The following THSD4 variants were observed in gnomAD, a reference collection of about 807,000 sequenced individuals.
THSD4 encodes the protein thrombospondin type 1 domain containing 4.
A neutral mutation model predicts 119.0 loss-of-function variants in THSD4; 69 were observed. That is an observed-to-expected ratio of 0.58 (90% confidence interval 0.48 to 0.71). THSD4 has a LOEUF of 0.71. THSD4 is among the 30% of genes least tolerant of loss of function. THSD4 has a pLI of 0.00. For synonymous variants in THSD4, 524 were observed against 540.4 expected (o/e 0.97, Z 0.42); for missense variants, 1,393 against 1,391.1 (o/e 1.00, Z -0.02).
chr15:71,688,010 G>A (rs2051954831), intron 8 of THSD4, among the ~76,000 whole-genome samples: 1 of 152,126 alleles, frequency 6.6e-6, no homozygotes, highest in South Asian at 2.1e-4. Context: ...TCCTGTAAAT[G>A]TTTGTTTTGT....
chr15:71,673,288 A>G (rs1438485638), intron 8 of THSD4, among the ~76,000 whole-genome samples: 1 of 152,188 alleles, frequency 6.6e-6, no homozygotes, highest in Non-Finnish European at 1.5e-5. Context: ...AGGTGTTTAT[A>G]GTATTCTCTG....
At chr15:71,697,581 G>T (rs1001827508) in intron 8 of THSD4, among the ~76,000 whole-genome samples, 2 of 152,210 alleles carry the variant, frequency 1.3e-5, no homozygotes, top group Non-Finnish European at 2.9e-5. Context: ...GGATCCAGAC[G>T]ACAGAAGAGG....
At chr15:71,139,642 A>G (rs536043402) in intron 1 of THSD4, among the ~76,000 whole-genome samples, 1 of 152,342 alleles carries the variant, frequency 6.6e-6, no homozygotes, top group African/African-American at 2.4e-5. Context: ...TAACCCGCAG[A>G]AAGGGCCTGT....
chr15:71,387,311 G>A (rs2046306963), intron 6 of THSD4, among the ~76,000 whole-genome samples: 1 of 152,100 alleles, frequency 6.6e-6, no homozygotes, highest in African/African-American at 2.4e-5. Flanking sequence ...ATCTGCTCAG[G>A]ATGCTGTGAT....
In THSD4 at chr15:71,215,209, C is replaced by G; in HGVS notation, c.274C>G (p.Arg92Gly). 7.3e-7 allele frequency: 1 copy of G among 1,361,544 alleles called. No homozygotes were observed. The highest frequency in any genetic ancestry group is 1.5e-5 in the African/African-American group (1 of 65,344). 84.3% of individuals were successfully genotyped at this position (1,361,544 alleles called of 1,614,324 possible). A position where few individuals can be genotyped will look rare whatever the true frequency, so the allele number is the denominator to read the frequency against. ...PRSYRLRGGQ[R>G]PGAPARAFAD... is the part of the protein sequence containing the mutation. ...CTCCTACCGCCTGCGCGGCGGCCAG[C>G]GGCCTGGCGCCCCTGCGCGCGCCTT... The change falls in exon 4 of 18, where the codon CGG becomes GGG. Residue 92 changes from arginine (R) to glycine (G), a missense_variant. Arg to Gly is a moderately radical substitution (Grantham distance 125). Transcript: ENST00000261862.
At chr15:71,214,174 A>G (rs1775577078) in intron 3 of THSD4, among the ~76,000 whole-genome samples, 2 of 145,920 alleles carry the variant, frequency 1.4e-5, no homozygotes, top group Admixed American at 6.7e-5. Context: ...TGGACCGATC[A>G]GCACTCTGTA....
intron 7 of THSD4, among the ~76,000 whole-genome samples, chr15:71,568,305 G>C (rs899843345): frequency 6.6e-6 from 1 of 152,004 alleles, no homozygotes; most frequent in African/African-American, 2.4e-5. Context: ...CTTCAAAGTG[G>C]CCACAGAGAC....
intron 7 of THSD4, among the ~76,000 whole-genome samples, chr15:71,537,532 A>G (rs1169860055): frequency 6.6e-6 from 1 of 152,054 alleles, no homozygotes; most frequent in Non-Finnish European, 1.5e-5. Flanking sequence ...CAATCTCCCT[A>G]TATTACCATA....
chr15:71,399,742 C>G (rs1038760200), intron 6 of THSD4, among the ~76,000 whole-genome samples: 3 of 152,104 alleles, frequency 2.0e-5, no homozygotes, highest in African/African-American at 7.2e-5. Flanking sequence ...AGAAATGAAC[C>G]TTCTTGGGCT....
At chr15:71,373,451 C>G (rs2046086883) in intron 6 of THSD4, among the ~76,000 whole-genome samples, 1 of 152,142 alleles carries the variant, frequency 6.6e-6, no homozygotes, top group African/African-American at 2.4e-5. Context: ...GGGTCTAATA[C>G]ACAGGATATC....
At chr15:71,736,561 CTCTT>C (rs1323048801) in intron 10 of THSD4, among the ~76,000 whole-genome samples, 5 of 151,204 alleles carry the variant, frequency 3.3e-5, no homozygotes, top group South Asian at 4.2e-4. Context: ...CTCGCTGTCT[CTCTT>C]TCTTACTCTG....
rs1030680325 is a variant in THSD4, at chr15:71,302,931, T to C, written c.1015+46216T>C. Among the ~76,000 whole-genome samples the C allele has an allele frequency of 3.9e-5, 6 of 152,190 alleles. No individual in the cohort carries two copies. In the South Asian group the frequency reaches 1.0e-3, roughly 26 times the overall value. On this transcript the variant is annotated intron_variant, in intron 6 of 17. Transcript: ENST00000261862. ...GAGGGTCTTGCAGTCATCTACATAC[T>C]TCCCTGCGAGTTCTTGGTTTGGTCC... is the stretch of plus-strand genomic sequence containing the variant.
At chr15:71,423,265 T>A (rs550105410) in intron 7 of THSD4, among the ~76,000 whole-genome samples, 1 of 152,318 alleles carries the variant, frequency 6.6e-6, no homozygotes, top group South Asian at 2.1e-4. Context: ...AAGGAGTTTC[T>A]GTCCATAGCC....
At position 71,777,134 on chromosome 15, in the gene THSD4, G is replaced by T. The variant is rs994080536; in HGVS notation, c.2915-98G>T. 7.2e-6 allele frequency: 10 copies of T among 1,391,878 alleles called. No homozygotes were observed. In the Admixed American group the frequency reaches 1.5e-4, roughly 21 times the overall value. The allele number at this position is 1,391,878 out of a possible 1,614,324, so 86.2% of individuals were successfully genotyped here. On this transcript the variant is annotated intron_variant, in intron 17 of 17. Transcript: ENST00000261862. The stretch of plus-strand genomic sequence containing the variant: ...CCCCACAATGGTAATAAACAGCAGC[G>T]CAGGAGTTAAAGCCACAGCCACTGC...
intron 5 of THSD4, among the ~76,000 whole-genome samples, chr15:71,248,250 C>T (rs903308143): frequency 6.6e-6 from 1 of 152,186 alleles, no homozygotes; most frequent in African/African-American, 2.4e-5. Context: ...CACTGCACTC[C>T]AGCTTGGGGG....
chr15:71,174,320 C>T (rs2043419240), intron 3 of THSD4, among the ~76,000 whole-genome samples: 2 of 151,910 alleles, frequency 1.3e-5, no homozygotes, highest in South Asian at 4.2e-4. Context: ...CATTGCCTCA[C>T]CTGGGAAGCG....
At chr15:71,387,348 T>C (rs957663853) in intron 6 of THSD4, among the ~76,000 whole-genome samples, 3 of 152,184 alleles carry the variant, frequency 2.0e-5, no homozygotes, top group East Asian at 1.9e-4. Context: ...AACCAAATGG[T>C]ACCCAAGAAT....
chr15:71,705,147 G>T (rs1221327434), intron 8 of THSD4, among the ~76,000 whole-genome samples: 1 of 152,172 alleles, frequency 6.6e-6, no homozygotes, highest in African/African-American at 2.4e-5. Context: ...GAATGGAAGG[G>T]TAGCTGGAAT....
At chr15:71,744,805 T>C (rs1253927605) in intron 11 of THSD4, among the ~76,000 whole-genome samples, 2 of 152,226 alleles carry the variant, frequency 1.3e-5, no homozygotes, top group Non-Finnish European at 2.9e-5. Context: ...TATCTTGAAC[T>C]ATAATGAAGA....
Sources: gnomAD v4.1 joint callset for allele counts (sites outside exome capture counted in the v4.1 genomes callset) on GRCh38, gnomAD v4.1.1 for gene constraint, MANE v1.5 for transcripts, NCBI Gene and HGNC (gene_info 2026-07-23, HGNC 2026-07-21) for gene names.